Variants in CEP128 observed in about 807,000 individuals in gnomAD.
CEP128 encodes the protein centrosomal protein 128kDa.
Under a neutral mutation model 156.7 loss-of-function variants are expected in CEP128, and 132 were observed. The observed-to-expected ratio is 0.84, with a 90% CI of 0.73 to 0.97. The LOEUF (loss-of-function observed/expected upper bound fraction) is 0.97, where lower values mean the gene tolerates loss of function less well. CEP128 is among the 50% of genes least tolerant of loss of function. The pLI, the probability that CEP128 is intolerant of heterozygous loss-of-function variation, is 0.00. For missense variants in CEP128, 1,252 were observed against 1,281.9 expected (o/e 0.98, Z 0.36); for synonymous variants, 469 against 448.9 (o/e 1.04, Z -0.57).
intron 20 of CEP128, among the ~76,000 whole-genome samples, chr14:80,575,247 T>C (rs1347365644): frequency 2.6e-5 from 4 of 151,908 alleles, no homozygotes; most frequent in African/African-American, 9.6e-5. Flanking sequence ...ATAAAATTTC[T>C]AATAATACCA....
At chr14:80,911,772 A>G (rs954519470) in intron 4 of CEP128, among the ~76,000 whole-genome samples, 23 of 152,260 alleles carry the variant, frequency 1.5e-4, no homozygotes, top group Non-Finnish European at 2.8e-4. Context: ...CATTATGATT[A>G]AAGGCAATGA....
intron 19 of CEP128, among the ~76,000 whole-genome samples, chr14:80,649,957 T>A (rs1894827488): frequency 6.6e-6 from 1 of 152,042 alleles, no homozygotes; most frequent in Non-Finnish European, 1.5e-5. Context: ...GTGAAGAGAG[T>A]CAATGGTAGC....
At chr14:80,657,755 G>A (rs1291165721) in intron 19 of CEP128, among the ~76,000 whole-genome samples, 1 of 152,038 alleles carries the variant, frequency 6.6e-6, no homozygotes, top group East Asian at 1.9e-4. Flanking sequence ...GAGAACAAAT[G>A]TGTAAAAAGC....
At chr14:80,534,442 G>A (rs1305469270) in intron 21 of CEP128, among the ~76,000 whole-genome samples, 1 of 152,196 alleles carries the variant, frequency 6.6e-6, no homozygotes, top group Non-Finnish European at 1.5e-5. Context: ...TTTGTGCAGA[G>A]TCAGGGAAAT....
chr14:80,704,700 A>C (rs1313806284), intron 19 of CEP128, among the ~76,000 whole-genome samples: 1 of 123,044 alleles, frequency 8.1e-6, no homozygotes, highest in Non-Finnish European at 1.8e-5. Context: ...TTAGGATGGT[A>C]ATGATACTGA....
At chr14:80,680,016 G>C (rs1222808664) in intron 19 of CEP128, among the ~76,000 whole-genome samples, 1 of 152,244 alleles carries the variant, frequency 6.6e-6, no homozygotes, top group Non-Finnish European at 1.5e-5. Context: ...CAGCCAGTCT[G>C]TGTGGCAGCG....
intron 13 of CEP128, among the ~76,000 whole-genome samples, chr14:80,809,517 T>C (rs1400949711): frequency 6.6e-6 from 1 of 151,956 alleles, no homozygotes; most frequent in African/African-American, 2.4e-5. Context: ...GGCCCAGGGA[T>C]CCCCAATAAG....
At chr14:80,895,574 A>G (rs1054553028) in intron 8 of CEP128, 144 bp downstream of exon 8, 2 of 483,216 alleles carry the variant, frequency 4.1e-6, no homozygotes, top group Non-Finnish European at 3.6e-6. Context: ...TGAACATTTT[A>G]TAAGAGCTAC....
chr14:80,747,923 A>G (rs1228223621), intron 18 of CEP128, among the ~76,000 whole-genome samples: 1 of 152,172 alleles, frequency 6.6e-6, no homozygotes, highest in Non-Finnish European at 1.5e-5. Flanking sequence ...AGGTGATGAA[A>G]GTGTTCTCAA....
chr14:80,649,886 C>G (rs1894824396), intron 19 of CEP128, among the ~76,000 whole-genome samples: 1 of 152,074 alleles, frequency 6.6e-6, no homozygotes, highest in Non-Finnish European at 1.5e-5. Flanking sequence ...TTAGGATTGT[C>G]TCGGCTATGT....
intron 13 of CEP128, among the ~76,000 whole-genome samples, chr14:80,812,674 T>C (rs1884627897): frequency 6.6e-6 from 1 of 152,178 alleles, no homozygotes; most frequent in African/African-American, 2.4e-5. Flanking sequence ...GTTCAAGCGA[T>C]TCTCCTGCCT....
intron 24 of CEP128, 28 bp from the exon 25 acceptor site, chr14:80,497,610 T>G (rs752663120): frequency 1.1e-5 from 16 of 1,466,896 alleles, no homozygotes; most frequent in South Asian, 3.5e-5. Context: ...AAAAGAAAAA[T>G]AAACCTAGGT....
At chr14:80,544,487 G>T (rs1423148410) in intron 21 of CEP128, among the ~76,000 whole-genome samples, 2 of 152,044 alleles carry the variant, frequency 1.3e-5, no homozygotes, top group Non-Finnish European at 2.9e-5. Flanking sequence ...CATCTCTCTA[G>T]TATCTTTTGC....
chr14:80,882,755 T>C lies in CEP128; in HGVS notation c.645+12963A>G, dbSNP rs376898926. Among the ~76,000 whole-genome samples the C allele has an allele frequency of 7.2e-5, 11 of 152,288 alleles. No homozygotes were observed. The East Asian group carries it at 1.3e-3, about 19-fold the overall frequency. On this transcript the variant is annotated intron_variant, in intron 8 of 24. Coordinates refer to ENST00000555265, the MANE Select transcript of CEP128 (RefSeq NM_152446.5). The stretch of plus-strand genomic sequence containing the variant: ...CCATCAAAACAATGGGATTCTGTCA[T>C]TTCCAACAACATGGATGGAACTGGA...
chr14:80,725,134 A>C (rs1007606771), intron 19 of CEP128, among the ~76,000 whole-genome samples: 14 of 150,038 alleles, frequency 9.3e-5, no homozygotes, highest in Middle Eastern at 3.5e-3. Flanking sequence ...TGGCAACTGG[A>C]ATTCAATTCT....
At chr14:80,762,328 A>T (rs549656047) in intron 16 of CEP128, among the ~76,000 whole-genome samples, 21 of 152,276 alleles carry the variant, frequency 1.4e-4, no homozygotes, top group African/African-American at 4.6e-4. Context: ...GTAATAAAAT[A>T]AAAAAATCAC....
chr14:80,667,313 C>T (rs9943989), intron 19 of CEP128, among the ~76,000 whole-genome samples: 1,790 of 152,060 alleles, frequency 0.012, 126 homozygotes, highest in Admixed American at 0.1. Flanking sequence ...ACAGTGTGGC[C>T]GAGGGGCTTA....
At chr14:80,596,361 T>C (rs1017107862) in intron 19 of CEP128, among the ~76,000 whole-genome samples, 11 of 152,034 alleles carry the variant, frequency 7.2e-5, no homozygotes, top group Middle Eastern at 6.8e-3. Context: ...CTCTCAAAAA[T>C]TGACAGAAAA....
intron 19 of CEP128, among the ~76,000 whole-genome samples, chr14:80,689,401 A>G (rs1482572135): frequency 7.9e-5 from 12 of 152,094 alleles, no homozygotes; most frequent in African/African-American, 2.9e-4. Flanking sequence ...AGGAACTGTT[A>G]GAAGGAATTG....
Sources: gnomAD v4.1 joint callset for allele counts (sites outside exome capture counted in the v4.1 genomes callset) on GRCh38, gnomAD v4.1.1 for gene constraint, MANE v1.5 for transcripts, NCBI Gene and HGNC (gene_info 2026-07-23, HGNC 2026-07-21) for gene names.